Variants in WDR70 observed in about 807,000 individuals in gnomAD.
WDR70 encodes the protein WD repeat-containing protein 70.
WDR70 carries 53 observed loss-of-function variants against 88.6 expected under a neutral mutation model. That is an observed-to-expected ratio of 0.60 (90% confidence interval 0.48 to 0.75). WDR70 has a LOEUF of 0.75. Ranked by LOEUF, WDR70 falls within the 30% of genes least tolerant of loss-of-function variation. The pLI is 0.00. For missense variants in WDR70, 610 were observed against 823.2 expected, an observed-to-expected ratio of 0.74 and a Z score of 3.17; for synonymous variants, 280 against 270.0, an observed-to-expected ratio of 1.04 and a Z score of -0.36.
chr5:37,628,080 ACAGC>A (rs1744715667), intron 10 of WDR70, among the ~76,000 whole-genome samples: 1 of 152,138 alleles, frequency 6.6e-6, no homozygotes, highest in Admixed American at 6.6e-5. Context: ...ACATGACATC[ACAGC>A]CAGCTTATTT....
At chr5:37,496,339 A>G (rs1472054912) in intron 8 of WDR70, among the ~76,000 whole-genome samples, 2 of 152,102 alleles carry the variant, frequency 1.3e-5, no homozygotes, top group African/African-American at 4.8e-5. Flanking sequence ...GGTCCGCACT[A>G]CCTTTATGAG....
chr5:37,645,907 G>GT (rs1317487268), intron 10 of WDR70, among the ~76,000 whole-genome samples: 3 of 151,940 alleles, frequency 2.0e-5, no homozygotes, highest in Non-Finnish European at 2.9e-5. Context: ...ATTGGGTCTT[G>GT]TTTTTTCATC....
At chr5:37,618,795 A>G (rs947401764) in intron 10 of WDR70, among the ~76,000 whole-genome samples, 4 of 152,182 alleles carry the variant, frequency 2.6e-5, no homozygotes, top group Non-Finnish European at 5.9e-5. Flanking sequence ...TTCAAGTTAC[A>G]TTTTTAAAAG....
At chr5:37,547,691 G>T (rs1407339330) in intron 9 of WDR70, among the ~76,000 whole-genome samples, 1 of 152,002 alleles carries the variant, frequency 6.6e-6, no homozygotes, top group African/African-American at 2.4e-5. Flanking sequence ...AATGATTATT[G>T]ACTATAGTAA....
At chr5:37,390,149 C>G (rs768606239) in intron 3 of WDR70, among the ~76,000 whole-genome samples, 1 of 151,858 alleles carries the variant, frequency 6.6e-6, no homozygotes, top group Admixed American at 6.6e-5. Context: ...CTAGTGCCCC[C>G]ACAATTGTAG....
At position 37,542,283 on chromosome 5, in the gene WDR70, T is replaced by TTC. The variant is rs1561894803; in HGVS notation, c.917+25694_917+25695insCT. On this transcript the variant is annotated intron_variant, in intron 9 of 17. Coordinates refer to ENST00000265107, the MANE Select transcript of WDR70 (RefSeq NM_018034.4). The stretch of plus-strand genomic sequence containing the variant: ...TTAGTTTTTTCTTCTTCTTCTTCTT[T>TTC]TTTTTTTTTTTTGGGACAAAGAGTC... Among the ~76,000 whole-genome samples, 5 of 146,100 alleles carry TTC rather than the reference T, an allele frequency of 3.4e-5. No individual in the cohort carries two copies. In the East Asian group the frequency reaches 8.0e-4, roughly 23 times the overall value.
chr5:37,649,807 G>A (rs1300912131), intron 10 of WDR70, among the ~76,000 whole-genome samples: 1 of 126,652 alleles, frequency 7.9e-6, no homozygotes, highest in African/African-American at 3.1e-5. Context: ...GCGCGATCTC[G>A]GCTCACTGCA....
intron 10 of WDR70, among the ~76,000 whole-genome samples, chr5:37,609,150 T>C (rs1744115915): frequency 6.6e-6 from 1 of 152,118 alleles, no homozygotes; most frequent in Non-Finnish European, 1.5e-5. Flanking sequence ...GTACGAGTTT[T>C]GGGGTAGGGG....
chr5:37,674,495 T>C (rs999298779), intron 10 of WDR70, among the ~76,000 whole-genome samples: 3 of 152,290 alleles, frequency 2.0e-5, no homozygotes, highest in Non-Finnish European at 4.4e-5. Flanking sequence ...TCATTTTTTG[T>C]CCTTGTGATA....
At chr5:37,616,594 C>G (rs1015725952) in intron 10 of WDR70, among the ~76,000 whole-genome samples, 4 of 152,178 alleles carry the variant, frequency 2.6e-5, no homozygotes, top group Non-Finnish European at 4.4e-5. Flanking sequence ...AAGGCCCAAT[C>G]ACATGCCATT....
chr5:37,695,145 A>T (rs2112646671), intron 10 of WDR70, among the ~76,000 whole-genome samples: 1 of 152,274 alleles, frequency 6.6e-6, no homozygotes, highest in East Asian at 1.9e-4. Context: ...GAGATATCTC[A>T]CATGGCAGGA....
Position 37,726,959 on chromosome 5 carries a change from C to T in WDR70, c.1791C>T (p.Thr597=), listed in dbSNP as rs761115063. ...YIVKNIALDK[T]DDSNPREAIL... is the part of the protein sequence containing the mutation. The stretch of plus-strand genomic sequence containing the variant: ...TGAAGAACATTGCTTTGGACAAGAC[C>T]GATGACAGTAATCCTCGGGAAGCCA... Residue 597 remains threonine (T), a synonymous_variant, in exon 17 of 18, where the codon ACC becomes ACT. Coordinates refer to ENST00000265107, the MANE Select transcript of WDR70 (RefSeq NM_018034.4). The T allele has an allele frequency of 2.0e-5, 32 of 1,611,886 alleles. No individual in the cohort carries two copies. Among genetic ancestry groups the T allele is most frequent in the East Asian group, 4.5e-5 (2 of 44,802 alleles).
rs79564993 is a variant in WDR70 at position 37,692,770 on chromosome 5, G to A, written c.1093-4885G>A. 3.0e-4 allele frequency among the ~76,000 whole-genome samples: 45 copies of A among 152,182 alleles called. 2 individuals are homozygous for A. In the South Asian group the frequency reaches 9.1e-3, roughly 31 times the overall value. ...CCATAGCCAATATCATACTGAATGG[G>A]CAAAAACTGGAAGCATTCCCTTTGA... is the stretch of plus-strand genomic sequence containing the variant. On this transcript the variant is annotated intron_variant, in intron 10 of 17. Coordinates refer to ENST00000265107, the MANE Select transcript of WDR70 (RefSeq NM_018034.4).
At chr5:37,415,741 C>T (rs1749713618) in intron 5 of WDR70, among the ~76,000 whole-genome samples, 1 of 150,944 alleles carries the variant, frequency 6.6e-6, no homozygotes, top group African/African-American at 2.4e-5. Context: ...GGAGGGGCTC[C>T]TCACTTCTCA....
At chr5:37,688,881 C>T (rs1394622938) in intron 10 of WDR70, among the ~76,000 whole-genome samples, 3 of 151,998 alleles carry the variant, frequency 2.0e-5, no homozygotes, top group African/African-American at 7.2e-5. Context: ...CAGAGCGGGG[C>T]ATCGCCTCAC....
intron 17 of WDR70, among the ~76,000 whole-genome samples, chr5:37,739,514 C>G (rs964129283): frequency 2.6e-5 from 4 of 152,100 alleles, no homozygotes; most frequent in Non-Finnish European, 4.4e-5. Context: ...GACAGAATTG[C>G]TTTCTGGAAG....
At chr5:37,677,877 G>A (rs1746286509) in intron 10 of WDR70, among the ~76,000 whole-genome samples, 2 of 152,190 alleles carry the variant, frequency 1.3e-5, no homozygotes, top group South Asian at 2.1e-4. Context: ...AAATCTCTTT[G>A]TAGGTCACTC....
At chr5:37,638,688 A>G (rs1473434336) in intron 10 of WDR70, among the ~76,000 whole-genome samples, 1 of 152,210 alleles carries the variant, frequency 6.6e-6, no homozygotes, top group African/African-American at 2.4e-5. Flanking sequence ...TGTATTTTAT[A>G]GAAGAAAGTT....
At chr5:37,501,269 C>T (rs962198033) in intron 8 of WDR70, among the ~76,000 whole-genome samples, 2 of 151,982 alleles carry the variant, frequency 1.3e-5, no homozygotes, top group Non-Finnish European at 1.5e-5. Context: ...TTAATTAGTT[C>T]CCATTTATTT....
Sources: gnomAD v4.1 joint callset for allele counts (sites outside exome capture counted in the v4.1 genomes callset) on GRCh38, gnomAD v4.1.1 for gene constraint, MANE v1.5 for transcripts, NCBI Gene and HGNC (gene_info 2026-07-23, HGNC 2026-07-21) for gene names.